The following ZNF423 variants were observed in gnomAD, a reference collection of about 807,000 sequenced individuals.
ZNF423 encodes the protein Ebf-associated zinc finger protein.
ZNF423 carries 12 observed loss-of-function variants against 95.8 expected under a neutral mutation model. The observed-to-expected ratio is 0.13, with a 90% confidence interval of 0.08 to 0.20. ZNF423 has a LOEUF of 0.20. Ranked by LOEUF, ZNF423 falls within the 10% of genes least tolerant of loss-of-function variation. The probability of loss-of-function intolerance (pLI) is 1.00; values close to 1 mark genes in which losing one functional copy is unlikely to be tolerated. For missense variants in ZNF423, 1,316 were observed against 1,737.1 expected (o/e 0.76, Z 4.31); for synonymous variants, 749 against 711.9 (o/e 1.05, Z -0.83).
At position 49,523,607 on chromosome 16, in the gene ZNF423, C is replaced by G; in HGVS notation, c.3849+17G>C. ...AGGACCATCAGGCGGCGTGGTGCAG[C>G]GGATGTGGGCACCCACCTGCAGCTC... is the stretch of plus-strand genomic sequence containing the variant. On this transcript the variant is annotated intron_variant, in intron 7 of 7. Transcript: ENST00000563137. The G allele has an allele frequency of 6.2e-7, 1 of 1,604,290 alleles. No individual in the cohort carries two copies. The highest frequency in any genetic ancestry group is 8.5e-7 in the Non-Finnish European group (1 of 1,171,122).
At chr16:49,820,236 A>AGGG (rs2034921469) in intron 1 of ZNF423, among the ~76,000 whole-genome samples, 1 of 152,000 alleles carries the variant, frequency 6.6e-6, no homozygotes, top group South Asian at 2.1e-4. Flanking sequence ...CAGACCCCCT[A>AGGG]CCTCCCTTGA....
chr16:49,638,479 T>C lies in ZNF423; in HGVS notation c.697A>G (p.Thr233Ala). ...GAGGAGAAGCCGCGCTTGCACACAG[T>C]GCACTTGAAGGGCTTGCTGGAGCTG... ...THSSSKPFKC[T>A]VCKRGFSSTS... Residue 233 changes from threonine to alanine, a missense_variant, in exon 4 of 8, where the codon ACT (threonine) becomes GCT (alanine). Thr to Ala is a moderately conservative substitution (Grantham distance 58, BLOSUM62 0). This residue lies in a region of ZNF423 where 399 missense variants were observed against 478.5 expected (regional missense o/e 0.83). Coordinates refer to ENST00000563137, the MANE Select transcript of ZNF423 (RefSeq NM_001379286.1). This position sits in a 1 kb window ranked among gnomAD's most constrained non-coding sequence, Gnocchi z 5.6. The C allele has an allele frequency of 6.2e-7, 1 of 1,613,830 alleles. No homozygotes were observed. The highest frequency in any genetic ancestry group is 8.5e-7 in the Non-Finnish European group (1 of 1,180,024).
At chr16:49,713,196 T>C (rs1275822997) in intron 3 of ZNF423, among the ~76,000 whole-genome samples, 1 of 152,122 alleles carries the variant, frequency 6.6e-6, no homozygotes, top group Non-Finnish European at 1.5e-5. Context: ...TCACCTGACA[T>C]AGCCTCAGGG....
intron 7 of ZNF423, among the ~76,000 whole-genome samples, chr16:49,501,667 CATAT>C (rs1203027146): frequency 6.6e-6 from 1 of 151,938 alleles, no homozygotes; most frequent in Non-Finnish European, 1.5e-5. Context: ...AAATGTGGTA[CATAT>C]ATATATCATG....
intron 7 of ZNF423, among the ~76,000 whole-genome samples, chr16:49,497,264 C>T (rs1967200003): frequency 6.6e-6 from 1 of 152,244 alleles, no homozygotes; most frequent in African/African-American, 2.4e-5. Context: ...TACATTTCTT[C>T]CACAGATGTT....
At chr16:49,738,957 T>C (rs919734461) in intron 2 of ZNF423, among the ~76,000 whole-genome samples, 2 of 151,720 alleles carry the variant, frequency 1.3e-5, no homozygotes, top group Admixed American at 1.3e-4. Context: ...GGAACCAAGT[T>C]GTTGAAATAA....
At chr16:49,681,678 G>T (rs1164902986) in intron 3 of ZNF423, among the ~76,000 whole-genome samples, 1 of 152,248 alleles carries the variant, frequency 6.6e-6, no homozygotes, top group Non-Finnish European at 1.5e-5. Context: ...CACCCCCACA[G>T]CCTCGGCCAC....
At chr16:49,696,635 C>T (rs1360758063) in intron 3 of ZNF423, among the ~76,000 whole-genome samples, 1 of 152,262 alleles carries the variant, frequency 6.6e-6, no homozygotes, top group African/African-American at 2.4e-5. Context: ...GAGGCTGTGA[C>T]GGCACCTACC....
rs139982575 is a variant in ZNF423, at chr16:49,542,906, G to A, written c.3602-17412C>T. The stretch of plus-strand genomic sequence containing the variant: ...CACCCCGTGGCCCCCACCCTTCCAA[G>A]GGTGCAGCGAGAGGTTCTGTCTGCA... On this transcript the variant is annotated intron_variant, in intron 5 of 7. Coordinates refer to ENST00000563137, the MANE Select transcript of ZNF423 (RefSeq NM_001379286.1). Among the ~76,000 whole-genome samples, 5 of 152,240 alleles carry A rather than the reference G, an allele frequency of 3.3e-5. 1 individual carries two copies. In the East Asian group the frequency reaches 9.7e-4, roughly 30 times the overall value.
intron 2 of ZNF423, 136 bp from the exon 3 acceptor site, chr16:49,731,107 T>A: frequency 9.9e-7 from 1 of 1,014,680 alleles, no homozygotes; most frequent in Non-Finnish European, 1.4e-6. Context: ...CACCTCTCAG[T>A]ATATTAATAG....
chr16:49,580,946 C>T (rs1229998742), intron 5 of ZNF423, among the ~76,000 whole-genome samples: 1 of 152,162 alleles, frequency 6.6e-6, no homozygotes, highest in African/African-American at 2.4e-5. Context: ...CCAGGCCCAC[C>T]ACATGCACAG....
chr16:49,600,781 GGAGTGAGT>G (rs1255167802), intron 5 of ZNF423, among the ~76,000 whole-genome samples: 5 of 152,258 alleles, frequency 3.3e-5, no homozygotes, highest in South Asian at 4.2e-4. Context: ...GACCCAGGCC[GGAGTGAGT>G]GCTCCGGCTC....
chr16:49,851,653 T>G (rs2035303357), intron 1 of ZNF423, among the ~76,000 whole-genome samples: 1 of 152,232 alleles, frequency 6.6e-6, no homozygotes, highest in Non-Finnish European at 1.5e-5. Context: ...AATTACTTTA[T>G]GACTGTAAAG....
At chr16:49,810,619 C>T (rs2034736025) in intron 1 of ZNF423, among the ~76,000 whole-genome samples, 2 of 152,232 alleles carry the variant, frequency 1.3e-5, no homozygotes, top group Non-Finnish European at 1.5e-5. Context: ...TCTCCACAGA[C>T]AACTGCCATG....
At chr16:49,630,878 C>T (rs1403853732) in intron 4 of ZNF423, among the ~76,000 whole-genome samples, 2 of 152,050 alleles carry the variant, frequency 1.3e-5, no homozygotes, top group African/African-American at 2.4e-5. Flanking sequence ...CAGAGGGTTC[C>T]CAAGGGAAGG....
At chr16:49,611,185 A>C (rs1232366068) in intron 5 of ZNF423, among the ~76,000 whole-genome samples, 2 of 152,062 alleles carry the variant, frequency 1.3e-5, no homozygotes, top group Admixed American at 6.5e-5. Context: ...CACTCCACCC[A>C]ACAATAACAG....
At chr16:49,613,458 T>C (rs1019029599) in intron 5 of ZNF423, among the ~76,000 whole-genome samples, 2 of 152,232 alleles carry the variant, frequency 1.3e-5, no homozygotes, top group African/African-American at 4.8e-5. Context: ...TTTGGAAAGC[T>C]GAAGCAAGAA....
At chr16:49,523,125 C>T (rs934421755) in intron 7 of ZNF423, among the ~76,000 whole-genome samples, 1 of 152,162 alleles carries the variant, frequency 6.6e-6, no homozygotes, top group African/African-American at 2.4e-5. Flanking sequence ...AGGGCCACAT[C>T]AGTCTCAGGA....
chr16:49,851,216 T>C (rs1279231051), intron 1 of ZNF423, among the ~76,000 whole-genome samples: 2 of 152,156 alleles, frequency 1.3e-5, no homozygotes, highest in African/African-American at 4.8e-5. Flanking sequence ...TGGACAGAAA[T>C]TTTGAAAGAA....
Sources: allele counts gnomAD v4.1 joint callset (sites outside exome capture counted in the v4.1 genomes callset), GRCh38; gene constraint gnomAD v4.1.1; regional missense constraint gnomAD v4.1.1; non-coding constraint Gnocchi (gnomAD v3.1); transcripts MANE v1.5; gene names NCBI Gene and HGNC (gene_info 2026-07-23, HGNC 2026-07-21).